The following TMEM50B variants were observed in gnomAD, a reference collection of about 807,000 sequenced individuals.
The protein encoded by TMEM50B is HCV p7-trans-regulated protein 3.
A neutral mutation model predicts 23.4 loss-of-function variants in TMEM50B; 14 were observed. That is an observed-to-expected ratio of 0.60 (90% CI 0.39 to 0.93). TMEM50B has a LOEUF of 0.93. Among genes scored for constraint, TMEM50B ranks in the 40% least tolerant of loss-of-function variants. The pLI, the probability that TMEM50B is intolerant of heterozygous loss-of-function variation, is 0.00. For missense variants in TMEM50B, 159 were observed against 193.0 expected, an observed-to-expected ratio of 0.82 and a Z score of 1.04; for synonymous variants, 64 against 62.3, an observed-to-expected ratio of 1.03 and a Z score of -0.13.
At chr21:33,469,333 C>T (rs1386561123) in intron 1 of TMEM50B, among the ~76,000 whole-genome samples, 1 of 152,164 alleles carries the variant, frequency 6.6e-6, no homozygotes, top group Non-Finnish European at 1.5e-5. Context: ...TGCCTGTAAT[C>T]ACAGCTACTC....
At chr21:33,451,045 G>A (rs887762884) in intron 6 of TMEM50B, among the ~76,000 whole-genome samples, 182 bp from the exon 7 acceptor site, 1 of 152,130 alleles carries the variant, frequency 6.6e-6, no homozygotes, top group African/African-American at 2.4e-5. Context: ...TGTTAACTAC[G>A]ATGGCTAAGC....
At chr21:33,446,790 C>T (rs1245304823), downstream of TMEM50B, among the ~76,000 whole-genome samples, 1 of 151,296 alleles carries the variant, frequency 6.6e-6, no homozygotes, top group Non-Finnish European at 1.5e-5. Flanking sequence ...AGGAGGATCA[C>T]TTGAGCTCAG....
chr21:33,455,677 T>A, intron 6 of TMEM50B, 50 bp downstream of exon 6: 2 of 1,457,800 alleles, frequency 1.4e-6, no homozygotes. Context: ...TTAATTAAGT[T>A]GACATTTCTG....
chr21:33,448,538 T>A (rs751085267), downstream of TMEM50B, among the ~76,000 whole-genome samples: 93 of 151,882 alleles, frequency 6.1e-4, no homozygotes, highest in Non-Finnish European at 1.2e-3. Context: ...TGGAGTGCAG[T>A]GGCACGATTT....
At chr21:33,473,785 C>T (rs902399036) in intron 1 of TMEM50B, among the ~76,000 whole-genome samples, 3 of 152,066 alleles carry the variant, frequency 2.0e-5, no homozygotes, top group African/African-American at 7.2e-5. Flanking sequence ...GTGGAAGCAA[C>T]CAAACATACA....
At chr21:33,452,579 C>G (rs2084131900) in intron 6 of TMEM50B, among the ~76,000 whole-genome samples, 1 of 152,216 alleles carries the variant, frequency 6.6e-6, no homozygotes, top group African/African-American at 2.4e-5. Context: ...AAGGGTATGA[C>G]TGCCTTAGTA....
intron 5 of TMEM50B, chr21:33,456,028 T>C (rs2084165544): frequency 4.4e-6 from 3 of 679,682 alleles, no homozygotes; most frequent in African/African-American, 1.8e-5. Context: ...GTCAAAGTAA[T>C]TGCTGGTTCT....
intron 5 of TMEM50B, among the ~76,000 whole-genome samples, chr21:33,457,354 A>G (rs2084178617): frequency 6.6e-6 from 1 of 152,140 alleles, no homozygotes; most frequent in Non-Finnish European, 1.5e-5. Context: ...TTCTTTAAAT[A>G]TTAAGATACA....
chr21:33,469,000 TA>T, intron 1 of TMEM50B, 74 bp from the exon 2 acceptor site: 2 of 770,468 alleles, frequency 2.6e-6, no homozygotes, highest in Non-Finnish European at 4.2e-6. Context: ...ACTCCTTTCT[TA>T]AAGCTTTACA....
At chr21:33,436,634 A>C (rs1300017651) in intron 8 of TMEM50B, among the ~76,000 whole-genome samples, 1 of 151,968 alleles carries the variant, frequency 6.6e-6, no homozygotes, top group African/African-American at 2.4e-5. Flanking sequence ...AGGCAGGAGA[A>C]TCGCTTGAAC....
At position 33,450,722 on chromosome 21, in the gene TMEM50B, G is replaced by A. The variant is rs1372870073; in HGVS notation, c.*96C>T. On this transcript the variant is annotated 3_prime_UTR_variant, in exon 7 of 7. Coordinates refer to ENST00000542230, the MANE Select transcript of TMEM50B (RefSeq NM_006134.7). ...AATGTAAAGAAACAAAACATTTAAT[G>A]TACAATCTACTCCATTTGGCAATGT... 2 of 902,332 alleles carry A rather than the reference G, an allele frequency of 2.2e-6. No individual in the cohort carries two copies. The highest frequency in any genetic ancestry group is 1.7e-5 in the African/African-American group (1 of 59,900). 55.9% of individuals were successfully genotyped at this position (902,332 alleles called of 1,614,324 possible). A position where few individuals can be genotyped will look rare whatever the true frequency, so the allele number is the denominator to read the frequency against.
chr21:33,439,721 G>A (rs2083991568), intron 7 of TMEM50B, among the ~76,000 whole-genome samples: 1 of 151,276 alleles, frequency 6.6e-6, no homozygotes, highest in Non-Finnish European at 1.5e-5. Flanking sequence ...ATTCTCCTTA[G>A]TAAAATAAAT....
intron 4 of TMEM50B, among the ~76,000 whole-genome samples, chr21:33,463,629 C>T (rs927913369): frequency 6.6e-6 from 1 of 152,112 alleles, no homozygotes; most frequent in Non-Finnish European, 1.5e-5. Flanking sequence ...TGGATTCTGG[C>T]CAGGCGTGGT....
intron 3 of TMEM50B, 125 bp from the exon 4 acceptor site, chr21:33,465,534 C>CCTAATAA: frequency 2.9e-6 from 2 of 683,472 alleles, no homozygotes; most frequent in Non-Finnish European, 4.7e-6. Flanking sequence ...AATAATTTAA[C>CCTAATAA]ATATTTTTAA....
downstream of TMEM50B, among the ~76,000 whole-genome samples, chr21:33,445,799 A>G (rs558559735): frequency 1.3e-5 from 2 of 151,220 alleles, no homozygotes; most frequent in Admixed American, 6.6e-5. Context: ...AAAAAAAAGG[A>G]AAAAAAAAGC....
intron 5 of TMEM50B, among the ~76,000 whole-genome samples, chr21:33,459,536 C>T (rs1337757071): frequency 6.6e-6 from 1 of 151,820 alleles, no homozygotes; most frequent in East Asian, 1.9e-4. Context: ...GGTGTGGTGG[C>T]GTGCACCTGT....
intron 2 of TMEM50B, chr21:33,468,356 A>T (rs2084283795): frequency 1.3e-5 from 2 of 154,002 alleles, no homozygotes; most frequent in Admixed American, 1.3e-4. Context: ...TCTTCCCTAG[A>T]GCCGCTGCAG....
At chr21:33,446,263 G>A (rs906407027), downstream of TMEM50B, among the ~76,000 whole-genome samples, 4 of 142,946 alleles carry the variant, frequency 2.8e-5, no homozygotes, top group Admixed American at 1.5e-4. Flanking sequence ...TTTTGAGACA[G>A]TCTTGCTCTG....
intron 4 of TMEM50B, among the ~76,000 whole-genome samples, chr21:33,462,996 A>G (rs1568981789): frequency 6.6e-6 from 1 of 152,252 alleles, no homozygotes; most frequent in East Asian, 1.9e-4. Context: ...CAGCATTTAA[A>G]GCATCAGGTA....
Sources: gnomAD v4.1 joint callset for allele counts (sites outside exome capture counted in the v4.1 genomes callset) on GRCh38, gnomAD v4.1.1 for gene constraint, MANE v1.5 for transcripts, NCBI Gene and HGNC (gene_info 2026-07-23, HGNC 2026-07-21) for gene names.